SNX13: variants seen among roughly 807,000 people sequenced by gnomAD.
SNX13 encodes sorting nexin-13.
A neutral mutation model predicts 133.6 loss-of-function variants in SNX13; 45 were observed. The ratio of observed to expected loss-of-function variants is 0.34; its 90% confidence interval spans 0.27 to 0.43. The LOEUF is 0.43. SNX13 is among the 20% of genes least tolerant of loss of function. The probability of loss-of-function intolerance (pLI) is 1.00; values close to 1 mark genes in which losing one functional copy is unlikely to be tolerated. For missense variants in SNX13, 1,032 were observed against 1,145.1 expected, an observed-to-expected ratio of 0.90 and a Z score of 1.43; for synonymous variants, 414 against 373.9, an observed-to-expected ratio of 1.11 and a Z score of -1.24.
At chr7:17,826,225 C>T (rs1434800436) in intron 16 of SNX13, 134 bp from the exon 17 acceptor site, 3 of 504,452 alleles carry the variant, frequency 5.9e-6, no homozygotes, top group African/African-American at 5.8e-5. Flanking sequence ...GTATACCCTC[C>T]ATCCCCTCCA....
chr7:17,930,622 C>G (rs1487413049), intron 1 of SNX13, among the ~76,000 whole-genome samples: 1 of 152,108 alleles, frequency 6.6e-6, no homozygotes, highest in Non-Finnish European at 1.5e-5. Flanking sequence ...TTTTCTAAAC[C>G]TTTATGCAAC....
intron 1 of SNX13, chr7:17,900,200 GGA>G (rs1797667913): frequency 6.6e-6 from 1 of 152,308 alleles, no homozygotes; most frequent in Admixed American, 6.5e-5. Flanking sequence ...TGTGGAGCTG[GGA>G]GAGGGGTGAC....
At position 17,897,363 on chromosome 7, in the gene SNX13, C is replaced by T; in HGVS notation, c.96G>A (p.Leu32=). Residue 32 remains leucine (L), a synonymous_variant, in exon 2 of 26, where the codon TTG becomes TTA. Transcript: ENST00000428135. ...CCACAAAGCAGAGGATATAAAATGT[C>T]AAATAAAATATTACAAAGGGTCCAA... is the stretch of plus-strand genomic sequence containing the variant. ...ITFGPFVIFY[L]TFYILCFVGG... 1 of 1,585,704 alleles carries T rather than the reference C, an allele frequency of 6.3e-7. No homozygotes were observed. Among genetic ancestry groups the T allele is most frequent in the East Asian group, 2.3e-5 (1 of 43,880 alleles).
At chr7:17,870,660 T>C (rs1226124623) in intron 8 of SNX13, among the ~76,000 whole-genome samples, 1 of 152,096 alleles carries the variant, frequency 6.6e-6, no homozygotes, top group African/African-American at 2.4e-5. Flanking sequence ...GGTAAATGGG[T>C]TTCCTTTTGC....
chr7:17,908,269 A>C (rs1410898104), intron 1 of SNX13, among the ~76,000 whole-genome samples: 1 of 152,174 alleles, frequency 6.6e-6, no homozygotes, highest in Non-Finnish European at 1.5e-5. Flanking sequence ...TCACAGCCAA[A>C]GCTTGACACA....
intron 13 of SNX13, among the ~76,000 whole-genome samples, chr7:17,839,011 TTAG>T (rs1351320881): frequency 4.7e-5 from 7 of 149,878 alleles, no homozygotes; most frequent in African/African-American, 1.2e-4. Context: ...TACAATATTA[TTAG>T]AATTGTTATT....
intron 5 of SNX13, chr7:17,881,174 T>G (rs1795291718): frequency 6.6e-6 from 1 of 151,846 alleles, no homozygotes; most frequent in South Asian, 2.1e-4. Context: ...TTAAAAACAG[T>G]AAGAATGGTA....
chr7:17,844,577 A>G (rs1045346485), intron 12 of SNX13, among the ~76,000 whole-genome samples: 3 of 152,108 alleles, frequency 2.0e-5, no homozygotes, highest in Admixed American at 2.0e-4. Flanking sequence ...CTGAAAACAG[A>G]ACCAGATAAA....
At chr7:17,833,815 A>C (rs1165583464) in intron 15 of SNX13, among the ~76,000 whole-genome samples, 1 of 151,696 alleles carries the variant, frequency 6.6e-6, no homozygotes, top group Non-Finnish European at 1.5e-5. Context: ...TGAAGAAAAC[A>C]TTCTTCTTCT....
At chr7:17,830,940 C>T in intron 15 of SNX13, 1 of 984,342 alleles carries the variant, frequency 1.0e-6, no homozygotes, top group Middle Eastern at 5.2e-4. Context: ...ACTCTAAATG[C>T]TCAAGAACAT....
chr7:17,937,470 C>T (rs973328909), intron 1 of SNX13, among the ~76,000 whole-genome samples: 4 of 144,348 alleles, frequency 2.8e-5, no homozygotes, highest in African/African-American at 7.7e-5. Context: ...GCCAAGATCG[C>T]GCCACTGCAC....
intron 16 of SNX13, among the ~76,000 whole-genome samples, chr7:17,827,049 G>A (rs147487094): frequency 6.6e-6 from 1 of 152,118 alleles, no homozygotes; most frequent in East Asian, 1.9e-4. Flanking sequence ...TTTCCTTCTA[G>A]GAGTCCAGAA....
intron 2 of SNX13, among the ~76,000 whole-genome samples, chr7:17,893,662 C>T (rs1436777511): frequency 2.6e-5 from 4 of 152,048 alleles, no homozygotes; most frequent in Admixed American, 1.3e-4. Context: ...AAGTTTTAAT[C>T]CAATATATTT....
At position 17,796,892 on chromosome 7, in the gene SNX13, C is replaced by T. The variant is rs765080154; in HGVS notation, c.2561G>A (p.Arg854Lys). The change falls in exon 25 of 26, where the codon AGA becomes AAA. Residue 854 changes from arginine to lysine, a missense_variant. Transcript: ENST00000428135. Reference protein sequence around the residue: ...NGILAEAVPCRDKSIRMRTRV... With the variant: ...NGILAEAVPCKDKSIRMRTRV... Reference sequence around the variant, plus strand: ...TGTTCTCATTCGAATACTTTTATCTCTGCATGGAACAGCCTCTGCTAAAAT... The same window carrying T: ...TGTTCTCATTCGAATACTTTTATCTTTGCATGGAACAGCCTCTGCTAAAAT... The T allele has an allele frequency of 1.9e-6, 3 of 1,611,182 alleles. No individual in the cohort carries two copies. Among genetic ancestry groups the T allele is most frequent in the African/African-American group, 1.3e-5 (1 of 74,802 alleles).
chr7:17,857,944 T>C (rs943808571), intron 9 of SNX13, among the ~76,000 whole-genome samples: 19 of 152,320 alleles, frequency 1.2e-4, no homozygotes, highest in African/African-American at 2.9e-4. Flanking sequence ...ATCATTTCAA[T>C]AGATGTTGAA....
At position 17,939,233 on chromosome 7, in the gene SNX13, C is replaced by T. The variant is rs144288049; in HGVS notation, c.12+1051G>A. ...AAATGTTTGTATTTCCTTTTTGGCC[C>T]ATGTAGGAATACTTCCCATTGCCCA... On this transcript the variant is annotated intron_variant, in intron 1 of 25. Coordinates refer to ENST00000428135, the MANE Select transcript of SNX13 (RefSeq NM_015132.5). Among the ~76,000 whole-genome samples the T allele has an allele frequency of 8.5e-3, 1,298 of 152,266 alleles. 11 individuals carry two copies. Among genetic ancestry groups the T allele is most frequent in the Middle Eastern group, 0.031 (9 of 294 alleles).
intron 1 of SNX13, among the ~76,000 whole-genome samples, chr7:17,930,449 C>A (rs1022591220): frequency 2.0e-5 from 3 of 152,138 alleles, no homozygotes; most frequent in Admixed American, 2.0e-4. Flanking sequence ...AGATGATTAA[C>A]ACTGAATCCT....
At chr7:17,840,358 A>G (rs955081264) in intron 12 of SNX13, among the ~76,000 whole-genome samples, 1 of 151,934 alleles carries the variant, frequency 6.6e-6, no homozygotes, top group Non-Finnish European at 1.5e-5. Flanking sequence ...TTCAAACCAT[A>G]TATTTATATT....
At chr7:17,864,924 A>T (rs1793198724) in intron 9 of SNX13, among the ~76,000 whole-genome samples, 1 of 152,162 alleles carries the variant, frequency 6.6e-6, no homozygotes, top group South Asian at 2.1e-4. Context: ...CTTACAGGCC[A>T]GGAGGGAGCG....
Sources: gnomAD v4.1 joint callset for allele counts (sites outside exome capture counted in the v4.1 genomes callset) on GRCh38, gnomAD v4.1.1 for gene constraint, MANE v1.5 for transcripts, NCBI Gene and HGNC (gene_info 2026-07-23, HGNC 2026-07-21) for gene names.